ANO10: variants seen among roughly 807,000 people sequenced by gnomAD.
ANO10 encodes the protein anoctamin 10.
ANO10 carries 77 observed loss-of-function variants against 74.7 expected under a neutral mutation model. That is an observed-to-expected ratio of 1.03 (90% CI 0.86 to 1.25). The LOEUF (loss-of-function observed/expected upper bound fraction) is 1.25, where lower values mean the gene tolerates loss of function less well. ANO10 is among the 50% of genes most tolerant of loss of function. The pLI, the probability that ANO10 is intolerant of heterozygous loss-of-function variation, is 0.00. For missense variants in ANO10, 721 were observed against 778.1 expected (o/e 0.93, Z 0.87); for synonymous variants, 279 against 284.9 (o/e 0.98, Z 0.21).
At chr3:43,580,880 G>A (rs1237719790) in intron 4 of ANO10, among the ~76,000 whole-genome samples, 1 of 152,054 alleles carries the variant, frequency 6.6e-6, no homozygotes, top group Non-Finnish European at 1.5e-5. Flanking sequence ...TCATGTAGTA[G>A]TATACAGTGA....
intron 1 of ANO10, among the ~76,000 whole-genome samples, chr3:43,612,916 C>T (rs181471683): frequency 6.6e-6 from 1 of 152,222 alleles, no homozygotes; most frequent in Non-Finnish European, 1.5e-5. Context: ...GCCTATAATC[C>T]CAACACTTTG....
chr3:43,677,551 A>G (rs751998392), intron 1 of ANO10, among the ~76,000 whole-genome samples: 8 of 152,228 alleles, frequency 5.3e-5, no homozygotes, highest in Non-Finnish European at 1.0e-4. Context: ...GCTTAAAACC[A>G]TCACCATTTT....
intron 1 of ANO10, among the ~76,000 whole-genome samples, chr3:43,642,676 C>T (rs1019742862): frequency 1.3e-5 from 2 of 152,022 alleles, no homozygotes; most frequent in African/African-American, 4.8e-5. Flanking sequence ...CACTTCATTC[C>T]CCCCACCTCC....
chr3:43,597,623 C>A (rs539192777), intron 4 of ANO10, among the ~76,000 whole-genome samples: 151 of 151,056 alleles, frequency 1.0e-3, no homozygotes, highest in Middle Eastern at 3.4e-3. Context: ...AGGGTGGGGG[C>A]ATGGGGGAGG....
chr3:43,537,517 A>G (rs2078765341), intron 11 of ANO10, among the ~76,000 whole-genome samples: 1 of 151,884 alleles, frequency 6.6e-6, no homozygotes, highest in Non-Finnish European at 1.5e-5. Context: ...GGGGGCAACC[A>G]TATCTTTACA....
At chr3:43,598,378 T>C (rs1485407194) in intron 4 of ANO10, among the ~76,000 whole-genome samples, 154 bp downstream of exon 4, 2 of 152,118 alleles carry the variant, frequency 1.3e-5, no homozygotes, top group Non-Finnish European at 2.9e-5. Context: ...GATTTAAAGA[T>C]GCAATATACT....
chr3:43,561,622 C>T (rs945536456), intron 8 of ANO10, among the ~76,000 whole-genome samples: 1 of 152,024 alleles, frequency 6.6e-6, no homozygotes, highest in African/African-American at 2.4e-5. Context: ...TGGTTTTTCA[C>T]ATGAAAGACC....
intron 7 of ANO10, among the ~76,000 whole-genome samples, chr3:43,570,998 A>G: frequency 6.7e-6 from 1 of 150,160 alleles, no homozygotes; most frequent in East Asian, 1.9e-4. Flanking sequence ...GAAAAAAACA[A>G]ACAACCCCAT....
At chr3:43,669,296 C>T (rs1210191409) in intron 1 of ANO10, among the ~76,000 whole-genome samples, 1 of 152,144 alleles carries the variant, frequency 6.6e-6, no homozygotes, top group Non-Finnish European at 1.5e-5. Context: ...CTTTTCCCTG[C>T]TGATGGAGAC....
At chr3:43,396,076 A>T (rs13088597) in intron 12 of ANO10, among the ~76,000 whole-genome samples, 58,012 of 148,442 alleles carry the variant, frequency 0.39, 13,394 homozygotes, top group East Asian at 0.57. Context: ...TTATTTATTT[A>T]TTTTTTTTTT....
At chr3:43,674,401 C>T (rs2084096796) in intron 1 of ANO10, among the ~76,000 whole-genome samples, 1 of 152,138 alleles carries the variant, frequency 6.6e-6, no homozygotes, top group African/African-American at 2.4e-5. Flanking sequence ...CTTCCTGCCT[C>T]TGCCTCACAA....
At chr3:43,493,365 T>C (rs1007339894) in intron 11 of ANO10, among the ~76,000 whole-genome samples, 1 of 151,962 alleles carries the variant, frequency 6.6e-6, no homozygotes, top group South Asian at 2.1e-4. Flanking sequence ...TATACCTACG[T>C]AACAAAAGTG....
intron 11 of ANO10, among the ~76,000 whole-genome samples, chr3:43,500,868 A>G (rs2077074436): frequency 6.6e-6 from 1 of 152,172 alleles, no homozygotes; most frequent in African/African-American, 2.4e-5. Flanking sequence ...ATGACTTCCT[A>G]TAGCTCAACC....
intron 1 of ANO10, among the ~76,000 whole-genome samples, chr3:43,612,146 A>ATG (rs1366313175): frequency 1.3e-3 from 71 of 56,328 alleles, no homozygotes; most frequent in Non-Finnish European, 1.8e-3. Flanking sequence ...TATTTTATAT[A>ATG]TATATATATA....
At chr3:43,679,801 G>A (rs1446790077) in intron 1 of ANO10, among the ~76,000 whole-genome samples, 1 of 152,206 alleles carries the variant, frequency 6.6e-6, no homozygotes, top group East Asian at 1.9e-4. Flanking sequence ...CTGTTCTGCA[G>A]CCTCCACTGG....
intron 11 of ANO10, among the ~76,000 whole-genome samples, chr3:43,491,441 G>A (rs1205231902): frequency 6.6e-6 from 1 of 152,146 alleles, no homozygotes; most frequent in African/African-American, 2.4e-5. Flanking sequence ...TTGAACCAGG[G>A]AGGTGGGGGC....
chr3:43,544,019 T>C (rs1211691197), intron 11 of ANO10, among the ~76,000 whole-genome samples: 1 of 152,214 alleles, frequency 6.6e-6, no homozygotes, highest in Non-Finnish European at 1.5e-5. Flanking sequence ...TAAAATGAAG[T>C]ATTATCTAAG....
At chr3:43,656,742 G>A (rs1003865478) in intron 1 of ANO10, among the ~76,000 whole-genome samples, 17 of 152,196 alleles carry the variant, frequency 1.1e-4, no homozygotes, top group Non-Finnish European at 2.1e-4. Context: ...CCAAGCCCAC[G>A]CCCACCTGGA....
rs3048939 is a variant in ANO10, at chr3:43,404,876, C to CAAAAA, written c.1914+27730_1914+27734dup. Among the ~76,000 whole-genome samples the CAAAAA allele has an allele frequency of 1.7e-3, 137 of 81,388 alleles. 2 individuals carry two copies. The highest frequency in any genetic ancestry group is 6.6e-3 in the African/African-American group (129 of 19,692). The allele number at this position is 81,388 out of a possible 152,430, so 53.4% of individuals were successfully genotyped here. ...TGGGTGACAGAGCAAGAACCTGTCT[C>CAAAAA]AAAAAAAAAAAAAAAAAAACCACCA... On this transcript the variant is annotated intron_variant, in intron 12 of 12. Transcript: ENST00000292246.
Sources: gnomAD v4.1 joint callset for allele counts (sites outside exome capture counted in the v4.1 genomes callset) on GRCh38, gnomAD v4.1.1 for gene constraint, MANE v1.5 for transcripts, NCBI Gene and HGNC (gene_info 2026-07-23, HGNC 2026-07-21) for gene names.